Variants in MORN2 observed in about 807,000 individuals in gnomAD.
The protein encoded by MORN2 is MORN repeat containing 2.
A neutral mutation model predicts 13.4 loss-of-function variants in MORN2; 15 were observed. That is an observed-to-expected ratio of 1.12 (90% CI 0.75 to 1.72). The LOEUF is 1.72. MORN2 is among the 40% of genes most tolerant of loss of function. The pLI is 0.00. For missense variants in MORN2, 168 were observed against 134.6 expected (o/e 1.25, Z -1.23); for synonymous variants, 46 against 43.6 (o/e 1.06, Z -0.22).
chr2:38,881,617 AG>A, intron 4 of MORN2, 39 bp downstream of exon 4: 1 of 1,405,404 alleles, frequency 7.1e-7, no homozygotes, highest in Non-Finnish European at 9.5e-7. Context: ...CATTTCTAAA[AG>A]ATTATTTTCT....
In MORN2 at chr2:38,882,579, T is replaced by G. The variant is rs1665802827; in HGVS notation, c.*64T>G. The G allele has an allele frequency of 3.3e-6, 4 of 1,217,540 alleles. No individual in the cohort carries two copies. Among genetic ancestry groups the G allele is most frequent in the Non-Finnish European group, 4.7e-6 (4 of 852,198 alleles). 75.4% of individuals were successfully genotyped at this position (1,217,540 alleles called of 1,614,324 possible). ...GCTTTTAGTTGTAAGGAAAGCAACT[T>G]AATCTGTTATTTGAAATGACTTCAT... On this transcript the variant is annotated 3_prime_UTR_variant, in exon 5 of 5. Transcript: ENST00000644631.
Position 38,881,478 on chromosome 2 carries a change from G to T in MORN2, c.253G>T (p.Ala85Ser). 2 of 1,540,816 alleles carry T rather than the reference G, an allele frequency of 1.3e-6. No individual in the cohort carries two copies. Among genetic ancestry groups the T allele is most frequent in the Non-Finnish European group, 1.7e-6 (2 of 1,143,390 alleles). The stretch of plus-strand genomic sequence containing the variant: ...TGGAAGACTTGAGCATTTTTCAGGA[G>T]CAGTATATGAAGGACAATTTAAGGA... Residue 85 changes from alanine to serine, a missense_variant, in exon 4 of 5, where the codon GCA (alanine) becomes TCA (serine). Coordinates refer to ENST00000644631, the MANE Select transcript of MORN2 (RefSeq NM_001145450.3).
rs193009427 is a variant in MORN2, at chr2:38,877,956, C to T, written c.58+1846C>T. On this transcript the variant is annotated intron_variant, in intron 1 of 4. Coordinates refer to ENST00000644631, the MANE Select transcript of MORN2 (RefSeq NM_001145450.3). ...GACAACAAGCATGCAACACCACACC[C>T]AGCTAATTCTTGTATTTTTTGTGGA... Among the ~76,000 whole-genome samples, 2 of 151,850 alleles carry T rather than the reference C, an allele frequency of 1.3e-5. 1 individual carries two copies. The highest frequency in any genetic ancestry group is 4.8e-5 in the African/African-American group (2 of 41,410).
At chr2:38,876,242 G>C in intron 1 of MORN2, 132 bp downstream of exon 1, 2 of 396,600 alleles carry the variant, frequency 5.0e-6, no homozygotes, top group Non-Finnish European at 8.9e-6. Flanking sequence ...GTCTAGCCGA[G>C]GGGCACGGGG....
Position 38,880,626 on chromosome 2 carries a change from G to A in MORN2, c.136G>A (p.Gly46Arg). 6.5e-7 allele frequency: 1 copy of A among 1,541,880 alleles called. No individual in the cohort carries two copies. The highest frequency in any genetic ancestry group is 2.5e-5 in the East Asian group (1 of 40,588). The change falls in exon 3 of 5, where the codon GGA (glycine) becomes AGA (arginine). Residue 46 changes from glycine (G) to arginine (R), a missense_variant. Gly to Arg is a moderately radical substitution (Grantham distance 125). Transcript: ENST00000644631. The stretch of plus-strand genomic sequence containing the variant: ...TGGTGACTGTACAAGAACATCTTCT[G>A]GAATCTACGAGAGAAATGGAATAGG...
chr2:38,880,605 G>C lies in MORN2; in HGVS notation c.115G>C (p.Asp39His). ...AGTTTTTCTCCTCTGTTTAGATGGT[G>C]ACTGTACAAGAACATCTTCTGGAAT... The change falls in exon 3 of 5, where the codon GAC becomes CAC. Residue 39 changes from aspartate (D) to histidine (H), a missense_variant. Transcript: ENST00000644631. The C allele has an allele frequency of 6.5e-7, 1 of 1,529,144 alleles. No individual in the cohort carries two copies. The allele number at this position is 1,529,144 out of a possible 1,614,324, so 94.7% of individuals were successfully genotyped here.
At chr2:38,876,690 C>T (rs1665637374) in intron 1 of MORN2, among the ~76,000 whole-genome samples, 1 of 152,074 alleles carries the variant, frequency 6.6e-6, no homozygotes, top group African/African-American at 2.4e-5. Flanking sequence ...GCCCAGAGTG[C>T]CGTGGGGGTT....
intron 1 of MORN2, among the ~76,000 whole-genome samples, chr2:38,878,503 C>A (rs1357213617): frequency 5.3e-5 from 8 of 152,006 alleles, no homozygotes; most frequent in South Asian, 2.1e-4. Flanking sequence ...TTTTAAAATT[C>A]TTTGTGCTAC....
chr2:38,877,762 T>C (rs890289922), intron 1 of MORN2, among the ~76,000 whole-genome samples: 4 of 150,972 alleles, frequency 2.6e-5, no homozygotes, highest in African/African-American at 9.7e-5. Flanking sequence ...ATTACAGGCA[T>C]GAGCCACCAG....
chr2:38,876,052 G>A lies in MORN2; in HGVS notation c.-1G>A. The A allele has an allele frequency of 2.5e-6, 1 of 398,738 alleles. No homozygotes were observed. Among genetic ancestry groups the A allele is most frequent in the Non-Finnish European group, 4.4e-6 (1 of 226,156 alleles). The allele number at this position is 398,738 out of a possible 1,614,324, so 24.7% of individuals were successfully genotyped here. A position where few individuals can be genotyped will look rare whatever the true frequency, so the allele number is the denominator to read the frequency against. On this transcript the variant is annotated 5_prime_UTR_variant, in exon 1 of 5. Coordinates refer to ENST00000644631, the MANE Select transcript of MORN2 (RefSeq NM_001145450.3). ...CGCCTAGTTCTCTCCCGGCCGCAGA[G>A]CTGGCCGCCCAGGGGGAGTCGCAGA...
intron 1 of MORN2, among the ~76,000 whole-genome samples, chr2:38,879,871 GT>G (rs1665736884): frequency 6.6e-6 from 1 of 152,170 alleles, no homozygotes; most frequent in Non-Finnish European, 1.5e-5. Flanking sequence ...AGGCAAAATT[GT>G]TTATTTCCCC....
intron 4 of MORN2, among the ~76,000 whole-genome samples, chr2:38,882,203 G>A (rs1039498780): frequency 8.1e-6 from 1 of 123,766 alleles, no homozygotes; most frequent in Non-Finnish European, 1.7e-5. Context: ...GTTTGTTTTT[G>A]TTTGGAATAG....
At chr2:38,882,155 A>C (rs923311130) in intron 4 of MORN2, among the ~76,000 whole-genome samples, 1 of 150,680 alleles carries the variant, frequency 6.6e-6, no homozygotes, top group African/African-American at 2.4e-5. Context: ...GTGTGAACCT[A>C]GATTATGTGA....
chr2:38,880,635 G>A lies in MORN2; in HGVS notation c.145G>A (p.Glu49Lys), dbSNP rs541559355. 9.7e-6 allele frequency: 15 copies of A among 1,543,478 alleles called. No homozygotes were observed. The highest frequency in any genetic ancestry group is 8.3e-5 in the African/African-American group (6 of 72,726). ...TACAAGAACATCTTCTGGAATCTACGAGAGAAATGGAATAGGTATTCATAC... is the reference window on the plus strand; with the variant it reads ...TACAAGAACATCTTCTGGAATCTACAAGAGAAATGGAATAGGTATTCATAC... Residue 49 changes from glutamate (E) to lysine (K), a missense_variant, in exon 3 of 5, where the codon GAG (glutamate) becomes AAG (lysine). Coordinates refer to ENST00000644631, the MANE Select transcript of MORN2 (RefSeq NM_001145450.3).
chr2:38,881,085 A>G (rs1165160367), intron 3 of MORN2, among the ~76,000 whole-genome samples: 3 of 152,208 alleles, frequency 2.0e-5, no homozygotes, highest in African/African-American at 7.2e-5. Context: ...GTCTGCTCAA[A>G]TCCAAATTTG....
chr2:38,880,367 T>C (rs917432213), intron 2 of MORN2, 138 bp downstream of exon 2: 5 of 400,154 alleles, frequency 1.2e-5, no homozygotes, highest in Admixed American at 8.8e-5. Flanking sequence ...TCCTAATAGA[T>C]AAAGAGCTTT....
intron 1 of MORN2, among the ~76,000 whole-genome samples, chr2:38,878,156 T>C (rs1572728165): frequency 6.6e-6 from 1 of 152,216 alleles, no homozygotes; most frequent in Non-Finnish European, 1.5e-5. Flanking sequence ...TGTAGAATAT[T>C]AGGTTGAAAA....
At chr2:38,876,738 A>C (rs1481710995) in intron 1 of MORN2, among the ~76,000 whole-genome samples, 1 of 152,122 alleles carries the variant, frequency 6.6e-6, no homozygotes, top group African/African-American at 2.4e-5. Flanking sequence ...ATGAGAAGAA[A>C]GGCTTTGTGG....
rs1489659736 is a variant in MORN2, at chr2:38,875,987, G to A, written c.-66G>A. ...ATTCGCTTCCGGGTGAGAGGTGCCC[G>A]GTCGCCCCAGCAACCAAGTCGCACC... On this transcript the variant is annotated 5_prime_UTR_variant, in exon 1 of 5. Coordinates refer to ENST00000644631, the MANE Select transcript of MORN2 (RefSeq NM_001145450.3). 5.0e-6 allele frequency: 2 copies of A among 398,522 alleles called. No individual in the cohort carries two copies. The highest frequency in any genetic ancestry group is 8.8e-6 in the Non-Finnish European group (2 of 226,194). The allele number at this position is 398,522 out of a possible 1,614,324, so 24.7% of individuals were successfully genotyped here.
Sources: gnomAD v4.1 joint callset for allele counts (sites outside exome capture counted in the v4.1 genomes callset) on GRCh38, gnomAD v4.1.1 for gene constraint, MANE v1.5 for transcripts, NCBI Gene and HGNC (gene_info 2026-07-23, HGNC 2026-07-21) for gene names.